The following OAS3 variants were observed in gnomAD, a reference collection of about 807,000 sequenced individuals.
OAS3 encodes 2'-5'-oligoadenylate synthase 3.
In OAS3, 107 loss-of-function variants were observed where a neutral mutation model predicts 113.0. The observed-to-expected ratio is 0.95, with a 90% CI of 0.81 to 1.11. The LOEUF (loss-of-function observed/expected upper bound fraction) is 1.11, where lower values mean the gene tolerates loss of function less well. OAS3 is among the 50% of genes most tolerant of loss of function. The probability of loss-of-function intolerance (pLI) is 0.00; values close to 1 mark genes in which losing one functional copy is unlikely to be tolerated. For synonymous variants in OAS3, 552 were observed against 573.6 expected (o/e 0.96, Z 0.54); for missense variants, 1,258 against 1,389.1 (o/e 0.91, Z 1.50).
At chr12:112,946,073 A>G (rs2043725493) in intron 3 of OAS3, among the ~76,000 whole-genome samples, 2 of 152,110 alleles carry the variant, frequency 1.3e-5, no homozygotes, top group African/African-American at 4.8e-5. Context: ...GGTGGTGGGT[A>G]CACATGTGCA....
rs1165797521 is a variant in OAS3, at chr12:112,968,098, A to G, written c.3028A>G (p.Ile1010Val). 1.2e-6 allele frequency: 2 copies of G among 1,613,966 alleles called. No homozygotes were observed. The highest frequency in any genetic ancestry group is 4.5e-5 in the East Asian group (2 of 44,876). ...ELVTQYRQLC[I>V]YWTINYNAKD... is the part of the protein sequence containing the mutation. ...GGTCACCCAGTACCGCCAGCTCTGTATCTACTGGACCATCAACTACAACGC... is the reference window on the plus strand; with the variant it reads ...GGTCACCCAGTACCGCCAGCTCTGTGTCTACTGGACCATCAACTACAACGC... The change falls in exon 14 of 16, where the codon ATC becomes GTC. Residue 1010 changes from isoleucine to valine, a missense_variant. Coordinates refer to ENST00000228928, the MANE Select transcript of OAS3 (RefSeq NM_006187.4).
chr12:112,962,680 C>A lies in OAS3; in HGVS notation c.1862C>A (p.Pro621Gln), dbSNP rs1163136980. 1 of 1,613,904 alleles carries A rather than the reference C, an allele frequency of 6.2e-7. No homozygotes were observed. Among genetic ancestry groups the A allele is most frequent in the African/African-American group, 1.3e-5 (1 of 74,928 alleles). Residue 621 changes from proline to glutamine, a missense_variant, in exon 9 of 16, where the codon CCA becomes CAA. Pro to Gln is a moderately conservative substitution (Grantham distance 76, BLOSUM62 -1). Transcript: ENST00000228928. Reference protein sequence around the residue: ...QVAAQNKGKGPAPASLPPAYA... With the variant: ...QVAAQNKGKGQAPASLPPAYA... The stretch of plus-strand genomic sequence containing the variant: ...GCGGCTCAGAACAAAGGAAAAGGAC[C>A]AGCCCCTGCCTCTCTGCCCCCAGCC...
rs564552407 is a variant in OAS3, at chr12:112,958,417, C to T, written c.1658-2654C>T. Among the ~76,000 whole-genome samples, 29 of 152,368 alleles carry T rather than the reference C, an allele frequency of 1.9e-4. No homozygotes were observed. The South Asian group carries it at 3.1e-3, about 16-fold the overall frequency. On this transcript the variant is annotated intron_variant, in intron 7 of 15. Coordinates refer to ENST00000228928, the MANE Select transcript of OAS3 (RefSeq NM_006187.4). ...CTGCGTTCCTTTGGAGGAGAAGAGG[C>T]GCTCTGATTTTTAGAATTTTCAGCT...
At position 112,964,496 on chromosome 12, in the gene OAS3, C is replaced by T. The variant is rs2043917468; in HGVS notation, c.2403+88C>T. 39 of 1,387,128 alleles carry T rather than the reference C, an allele frequency of 2.8e-5. 1 individual carries two copies. Among genetic ancestry groups the T allele is most frequent in the South Asian group, 2.2e-4 (16 of 72,460 alleles). 85.9% of individuals were successfully genotyped at this position (1,387,128 alleles called of 1,614,324 possible). A position where few individuals can be genotyped will look rare whatever the true frequency, so the allele number is the denominator to read the frequency against. On this transcript the variant is annotated intron_variant, in intron 11 of 15. Transcript: ENST00000228928. ...GGGCCAGGCTTGACCCACTTCCGCC[C>T]TCGTAGCAAACAGCAAAAAGCCAGG...
chr12:112,946,222 C>T (rs1056524862), intron 3 of OAS3, among the ~76,000 whole-genome samples: 2 of 152,030 alleles, frequency 1.3e-5, no homozygotes, highest in African/African-American at 4.8e-5. Flanking sequence ...GGGATTCTTG[C>T]CTTGGCATGG....
In OAS3 at chr12:112,950,972, G is replaced by C. The variant is rs1395516028; in HGVS notation, c.1654G>C (p.Val552Leu). 1 of 1,612,016 alleles carries C rather than the reference G, an allele frequency of 6.2e-7. No homozygotes were observed. Among genetic ancestry groups the C allele is most frequent in the Non-Finnish European group, 8.5e-7 (1 of 1,178,932 alleles). Residue 552 changes from valine to leucine, a missense_variant, in exon 7 of 16, where the codon GTG (valine) becomes CTG (leucine). Physicochemically the swap from Val to Leu is conservative, Grantham distance 32. Coordinates refer to ENST00000228928, the MANE Select transcript of OAS3 (RefSeq NM_006187.4). ...TAGCCTGCTGCCTGCCTTCGATGCTGTGGGTGAGGGCGCCCAGCCTGTCCC... is the reference window on the plus strand; with the variant it reads ...TAGCCTGCTGCCTGCCTTCGATGCTCTGGGTGAGGGCGCCCAGCCTGTCCC... ...DVSLLPAFDA[V>L]GQLSSGTKPN...
intron 14 of OAS3, among the ~76,000 whole-genome samples, chr12:112,968,517 T>TTTG (rs906517511): frequency 3.3e-5 from 5 of 152,228 alleles, no homozygotes; most frequent in African/African-American, 7.2e-5. Flanking sequence ...ATCCTGGTTT[T>TTTG]TTGTTGTTGT....
intron 15 of OAS3, 39 bp downstream of exon 15, chr12:112,969,794 G>T (rs747739218): frequency 5.6e-6 from 9 of 1,607,572 alleles, no homozygotes; most frequent in Non-Finnish European, 7.7e-6. Flanking sequence ...ACCCTTTAGG[G>T]GTAAGGGGGG....
chr12:112,944,656 A>G lies in OAS3; in HGVS notation c.636+5A>G, dbSNP rs760347525. Reference sequence around the variant, plus strand: ...GTGAAGCACTGGTACCACCAGGTGAAGCCACTTGGAAGGGTTTCTCCAGAC... The same window carrying G: ...GTGAAGCACTGGTACCACCAGGTGAGGCCACTTGGAAGGGTTTCTCCAGAC... On this transcript the variant is annotated splice_donor_5th_base_variant and intron_variant, in intron 3 of 15. Coordinates refer to ENST00000228928, the MANE Select transcript of OAS3 (RefSeq NM_006187.4). The G allele has an allele frequency of 1.9e-6, 3 of 1,613,884 alleles. No individual in the cohort carries two copies. The highest frequency in any genetic ancestry group is 4.5e-5 in the East Asian group (2 of 44,906).
At chr12:112,944,708 T>C (rs183133638) in intron 3 of OAS3, 57 bp downstream of exon 3, 82 of 1,576,780 alleles carry the variant, frequency 5.2e-5, no homozygotes, top group East Asian at 3.6e-4. Context: ...TGTGCTTTCA[T>C]AGTCGTGAAA....
chr12:112,945,398 G>A (rs965497678), intron 3 of OAS3: 3 of 153,066 alleles, frequency 2.0e-5, no homozygotes, highest in Admixed American at 6.4e-5. Context: ...CCATCATATT[G>A]TTTCCTATTG....
Position 112,969,742 on chromosome 12 carries a change from C to A in OAS3, c.3239C>A (p.Pro1080Gln). The change falls in exon 15 of 16, where the codon CCA becomes CAA. Residue 1080 changes from proline (P) to glutamine (Q), a missense_variant. Coordinates refer to ENST00000228928, the MANE Select transcript of OAS3 (RefSeq NM_006187.4). ...CMGRNGIPIQ[P>Q]WPVKAAV The stretch of plus-strand genomic sequence containing the variant: ...GGACGGAATGGCATCCCCATCCAGC[C>A]ATGGCCAGTGAAGGTGAGAGATCTG... The A allele has an allele frequency of 6.2e-7, 1 of 1,613,072 alleles. No homozygotes were observed. Among genetic ancestry groups the A allele is most frequent in the African/African-American group, 1.3e-5 (1 of 75,042 alleles).
chr12:112,963,213 G>C lies in OAS3; in HGVS notation c.2085-100G>C. The C allele has an allele frequency of 1.5e-6, 2 of 1,361,656 alleles. No individual in the cohort carries two copies. The highest frequency in any genetic ancestry group is 5.0e-5 in the East Asian group (2 of 39,620). The allele number at this position is 1,361,656 out of a possible 1,614,324, so 84.3% of individuals were successfully genotyped here. On this transcript the variant is annotated intron_variant, in intron 9 of 15. Transcript: ENST00000228928. The surrounding 1 kb of genome is among the most constrained non-coding windows in gnomAD (Gnocchi z 4.6). Reference sequence around the variant, plus strand: ...AAGACTGAGCCAACCCTGAGGTCCTGACACTCTTTCCAGCCCTCACGCCCC... The same window carrying C: ...AAGACTGAGCCAACCCTGAGGTCCTCACACTCTTTCCAGCCCTCACGCCCC...
Position 112,963,751 on chromosome 12 carries a change from C to T in OAS3, c.2229+294C>T, listed in dbSNP as rs979363468. 2.0e-5 allele frequency among the ~76,000 whole-genome samples: 3 copies of T among 152,182 alleles called. No homozygotes were observed. The highest frequency in any genetic ancestry group is 1.9e-4 in the East Asian group (1 of 5,194). Reference sequence around the variant, plus strand: ...GTGGAATCAGGCAAACACTTGTCTCCGGCTGAGCACCCAGCTTTGCTGAGC... The same window carrying T: ...GTGGAATCAGGCAAACACTTGTCTCTGGCTGAGCACCCAGCTTTGCTGAGC... On this transcript the variant is annotated intron_variant, in intron 10 of 15. Coordinates refer to ENST00000228928, the MANE Select transcript of OAS3 (RefSeq NM_006187.4). This position sits in a 1 kb window ranked among gnomAD's most constrained non-coding sequence, Gnocchi z 4.6.
At chr12:112,946,606 T>A in intron 3 of OAS3, 137 bp from the exon 4 acceptor site, 58 of 572,058 alleles carry the variant, frequency 1.0e-4, no homozygotes, top group Non-Finnish European at 1.3e-4. Flanking sequence ...GAAATGCCAC[T>A]TGTTCTTGGA....
intron 8 of OAS3, 97 bp downstream of exon 8, chr12:112,961,343 G>A (rs1421359960): frequency 3.6e-6 from 4 of 1,126,382 alleles, no homozygotes; most frequent in South Asian, 1.5e-5. Context: ...CCCCTCCTTT[G>A]CTTCTTATTG....
At chr12:112,947,053 C>A in intron 4 of OAS3, 72 bp downstream of exon 4, 1 of 1,290,244 alleles carries the variant, frequency 7.8e-7, no homozygotes, top group Non-Finnish European at 1.1e-6. Context: ...AGGACAAAAC[C>A]GGTTACATCT....
rs1399611236 is a variant in OAS3, at chr12:112,964,264, G to A, written c.2259G>A (p.Gly753=). ...CCCTCCTTTACCAAACCCCAGCTGG[G>A]GACCTTGACAAGTTCATCAGTGAAT... ...MPALLYQTPA[G]DLDKFISEFL... is the part of the protein sequence containing the mutation. The change falls in exon 11 of 16, where the codon GGG becomes GGA. Residue 753 remains glycine (G), a synonymous_variant. Coordinates refer to ENST00000228928, the MANE Select transcript of OAS3 (RefSeq NM_006187.4). The A allele has an allele frequency of 1.9e-6, 3 of 1,599,782 alleles. No individual in the cohort carries two copies. The highest frequency in any genetic ancestry group is 1.1e-5 in the South Asian group (1 of 88,056).
At chr12:112,945,115 C>T in intron 3 of OAS3, 1 of 237,382 alleles carries the variant, frequency 4.2e-6, no homozygotes. Context: ...AGTTCAAGAC[C>T]AGCCTGGCCA....
Sources: gnomAD v4.1 joint callset for allele counts (sites outside exome capture counted in the v4.1 genomes callset) on GRCh38, gnomAD v4.1.1 for gene constraint, Gnocchi (gnomAD v3.1) non-coding constraint, MANE v1.5 for transcripts, NCBI Gene and HGNC (gene_info 2026-07-23, HGNC 2026-07-21) for gene names.